Variants in CCDC171 observed in about 807,000 individuals in gnomAD.
CCDC171 encodes coiled-coil domain containing 171.
Under a neutral mutation model 168.2 loss-of-function variants are expected in CCDC171, and 177 were observed. The observed-to-expected ratio is 1.05, with a 90% CI of 0.93 to 1.19. CCDC171 has a LOEUF of 1.19. CCDC171 is among the 50% of genes most tolerant of loss of function. The probability of loss-of-function intolerance (pLI) is 0.00; values close to 1 mark genes in which losing one functional copy is unlikely to be tolerated. For synonymous variants in CCDC171, 687 were observed against 540.8 expected (o/e 1.27, Z -3.75); for missense variants, 1,991 against 1,539.0 (o/e 1.29, Z -4.91).
chr9:15,602,921 G>A (rs547838214), intron 6 of CCDC171, among the ~76,000 whole-genome samples: 2 of 151,980 alleles, frequency 1.3e-5, no homozygotes, highest in Non-Finnish European at 2.9e-5. Flanking sequence ...GCCTCCCAAA[G>A]TGCTGAGATT....
chr9:15,694,281 C>T (rs1388539247), intron 10 of CCDC171, among the ~76,000 whole-genome samples: 1 of 152,156 alleles, frequency 6.6e-6, no homozygotes, highest in African/African-American at 2.4e-5. Context: ...ATTCCCAAAC[C>T]TATACCTGAC....
chr9:15,591,697 G>T, intron 5 of CCDC171, 141 bp downstream of exon 5: 1 of 582,394 alleles, frequency 1.7e-6, no homozygotes, highest in South Asian at 2.3e-5. Context: ...TCTTTTTTAG[G>T]GGCATATTTG....
At chr9:15,800,364 A>G (rs570917979) in intron 21 of CCDC171, among the ~76,000 whole-genome samples, 145 of 152,196 alleles carry the variant, frequency 9.5e-4, no homozygotes, top group Non-Finnish European at 1.6e-3. Flanking sequence ...CTGATGATCA[A>G]TGATGTTGAG....
At chr9:15,725,819 T>C (rs1041072294) in intron 14 of CCDC171, among the ~76,000 whole-genome samples, 4 of 152,194 alleles carry the variant, frequency 2.6e-5, no homozygotes, top group Non-Finnish European at 4.4e-5. Context: ...TGTATAATTA[T>C]AGGATGTTAA....
intron 7 of CCDC171, 62 bp downstream of exon 7, chr9:15,623,475 G>GCGCGCGCGCGCACGCACACACACA: frequency 6.4e-6 from 2 of 311,464 alleles, no homozygotes; most frequent in East Asian, 8.1e-5. Context: ...GCGCGCGCGC[G>GCGCGCGCGCGCACGCACACACACA]CACACACACA....
At chr9:15,873,686 G>T (rs1417594688) in intron 23 of CCDC171, among the ~76,000 whole-genome samples, 3 of 151,926 alleles carry the variant, frequency 2.0e-5, no homozygotes, top group African/African-American at 7.2e-5. Context: ...TACTAAGTTT[G>T]GAAATTAAAA....
chr9:15,582,575 A>G (rs2041215387), intron 4 of CCDC171, among the ~76,000 whole-genome samples: 1 of 152,210 alleles, frequency 6.6e-6, no homozygotes, highest in Non-Finnish European at 1.5e-5. Context: ...TATGGCACAT[A>G]TATACACCAT....
intron 18 of CCDC171, among the ~76,000 whole-genome samples, chr9:15,769,789 A>G (rs2056918525): frequency 6.6e-6 from 1 of 152,144 alleles, no homozygotes; most frequent in African/African-American, 2.4e-5. Flanking sequence ...CTCTTTGTTT[A>G]TGTTGCTTTT....
chr9:15,797,227 A>AT (rs995026623), intron 21 of CCDC171, among the ~76,000 whole-genome samples: 28 of 152,092 alleles, frequency 1.8e-4, no homozygotes, highest in African/African-American at 5.8e-4. Flanking sequence ...TGATTGACTG[A>AT]TTTTTTTGAG....
chr9:15,642,901 C>G (rs2046753455), intron 7 of CCDC171, among the ~76,000 whole-genome samples: 1 of 151,942 alleles, frequency 6.6e-6, no homozygotes, highest in Non-Finnish European at 1.5e-5. Context: ...GAAGTGAAAA[C>G]TTGAATTTTC....
chr9:15,684,174 T>C (rs1049148906), intron 10 of CCDC171, among the ~76,000 whole-genome samples: 2 of 152,132 alleles, frequency 1.3e-5, no homozygotes, highest in Non-Finnish European at 2.9e-5. Context: ...ATGAAGATTA[T>C]AGGCTTTGAT....
At chr9:15,824,624 C>G (rs1247204396) in intron 21 of CCDC171, among the ~76,000 whole-genome samples, 1 of 152,042 alleles carries the variant, frequency 6.6e-6, no homozygotes, top group Non-Finnish European at 1.5e-5. Context: ...TAAAAAACAT[C>G]TTTTATTAAA....
chr9:15,851,584 CTG>C (rs1481940992), intron 23 of CCDC171, among the ~76,000 whole-genome samples: 1 of 151,742 alleles, frequency 6.6e-6, no homozygotes, highest in East Asian at 1.9e-4. Flanking sequence ...AAATCCAAAA[CTG>C]TTGAACTTCT....
At chr9:16,081,212 C>T in the CCDC171 span, among the ~76,000 whole-genome samples, 1 of 152,234 alleles carries the variant, frequency 6.6e-6, no homozygotes, top group Non-Finnish European at 1.5e-5. Context: ...TTCTTTCTTG[C>T]TTGCTAATGG....
intron 21 of CCDC171, 133 bp downstream of exon 21, chr9:15,784,827 C>T: frequency 1.6e-6 from 1 of 637,864 alleles, no homozygotes; most frequent in Non-Finnish European, 2.5e-6. Flanking sequence ...TAGAATGAAA[C>T]ATGTTTCTGA....
chr9:15,774,522 A>G (rs979672907), intron 18 of CCDC171, among the ~76,000 whole-genome samples: 25 of 152,216 alleles, frequency 1.6e-4, no homozygotes, highest in Non-Finnish European at 2.5e-4. Context: ...GTAAACTAGT[A>G]CAACCACTAT....
intron 3 of CCDC171, among the ~76,000 whole-genome samples, chr9:16,010,934 G>C (rs993772666): frequency 6.6e-6 from 1 of 152,074 alleles, no homozygotes; most frequent in African/African-American, 2.4e-5. Context: ...ATGTGGTAGA[G>C]CCTGATTCGC....
At position 15,617,380 on chromosome 9, in the gene CCDC171, T is replaced by G. The variant is rs560035480; in HGVS notation, c.676-5887T>G. On this transcript the variant is annotated intron_variant, in intron 6 of 25. Transcript: ENST00000380701. ...TTTGGATGGGCTTTTTGTGGGAGGG[T>G]TTTTTTTTTTTTTTGAGATGGAGTC... 2.0e-3 allele frequency among the ~76,000 whole-genome samples: 279 copies of G among 137,092 alleles called. 2 individuals are homozygous for G. The highest frequency in any genetic ancestry group is 7.3e-3 in the African/African-American group (261 of 35,726). The allele number at this position is 137,092 out of a possible 152,430, so 89.9% of individuals were successfully genotyped here.
At chr9:15,664,590 T>A (rs4269633) in intron 8 of CCDC171, among the ~76,000 whole-genome samples, 43 of 17,694 alleles carry the variant, frequency 2.4e-3, no homozygotes, top group East Asian at 0.014. Context: ...ACACACACAC[T>A]CACACGAGTT....
Sources: allele counts gnomAD v4.1 joint callset (sites outside exome capture counted in the v4.1 genomes callset), GRCh38; gene constraint gnomAD v4.1.1; transcripts MANE v1.5; gene names NCBI Gene and HGNC (gene_info 2026-07-23, HGNC 2026-07-21).